The following PLXNA4 variants were observed in gnomAD, a reference collection of about 807,000 sequenced individuals.
PLXNA4 encodes the protein plexin-A4.
PLXNA4 carries 44 observed loss-of-function variants against 191.8 expected under a neutral mutation model. The ratio of observed to expected loss-of-function variants is 0.23; its 90% confidence interval spans 0.18 to 0.29. The LOEUF (loss-of-function observed/expected upper bound fraction) is 0.29, where lower values mean the gene tolerates loss of function less well. Among genes scored for constraint, PLXNA4 ranks in the 10% least tolerant of loss-of-function variants. The pLI is 1.00. For missense variants in PLXNA4, 1,800 were observed against 2,488.8 expected, an observed-to-expected ratio of 0.72 and a Z score of 5.89; for synonymous variants, 1,082 against 1,009.5, an observed-to-expected ratio of 1.07 and a Z score of -1.36.
chr7:132,188,360 C>T (rs1024930994), intron 14 of PLXNA4, among the ~76,000 whole-genome samples: 2 of 152,212 alleles, frequency 1.3e-5, no homozygotes, highest in African/African-American at 4.8e-5. Context: ...AAAAACTTTC[C>T]TCAGTCCCAG....
At chr7:132,311,227 T>C (rs1388403137) in intron 3 of PLXNA4, among the ~76,000 whole-genome samples, 1 of 141,074 alleles carries the variant, frequency 7.1e-6, no homozygotes, top group African/African-American at 2.7e-5. Context: ...CAGAAGGAAG[T>C]GAGGGATGCA....
chr7:132,575,226 C>G (rs1802169227), intron 1 of PLXNA4, among the ~76,000 whole-genome samples: 1 of 152,184 alleles, frequency 6.6e-6, no homozygotes, highest in African/African-American at 2.4e-5. Flanking sequence ...CACTTCCTAC[C>G]TCCTCCAGAA....
intron 4 of PLXNA4, among the ~76,000 whole-genome samples, chr7:132,273,239 G>C (rs917248474): frequency 6.6e-6 from 1 of 151,952 alleles, no homozygotes; most frequent in Non-Finnish European, 1.5e-5. Flanking sequence ...ACCTAATGTT[G>C]GGGGAAAATA....
intron 2 of PLXNA4, among the ~76,000 whole-genome samples, chr7:132,641,640 T>G (rs921674304): frequency 6.6e-6 from 1 of 152,210 alleles, no homozygotes; most frequent in Non-Finnish European, 1.5e-5. Flanking sequence ...ATCTTTCGAA[T>G]AATAAAAAAT....
chr7:132,307,809 C>T (rs1801586363), intron 3 of PLXNA4, among the ~76,000 whole-genome samples: 1 of 151,852 alleles, frequency 6.6e-6, no homozygotes. Flanking sequence ...GTTTTGATTT[C>T]CTGATTCCAG....
Position 132,373,971 on chromosome 7 carries a change from G to T in PLXNA4, c.1372-75749C>A, listed in dbSNP as rs1018881399. On this transcript the variant is annotated intron_variant, in intron 3 of 31. Coordinates refer to ENST00000321063, the MANE Select transcript of PLXNA4 (RefSeq NM_020911.2). ...AGGATTCCAACCTGAGGCTCAGGTG[G>T]CCGGGGGCTCCCCACACTCCAGTCC... 3.9e-5 allele frequency among the ~76,000 whole-genome samples: 6 copies of T among 152,126 alleles called. No individual in the cohort carries two copies. In the East Asian group the frequency reaches 5.8e-4, roughly 15 times the overall value.
chr7:132,550,947 C>T (rs1217989385), intron 1 of PLXNA4, among the ~76,000 whole-genome samples: 1 of 152,222 alleles, frequency 6.6e-6, no homozygotes, highest in East Asian at 1.9e-4. Flanking sequence ...CTTCCTTCTC[C>T]TGCATTCTCT....
chr7:132,296,551 G>A (rs923885979), intron 4 of PLXNA4, among the ~76,000 whole-genome samples: 1 of 151,856 alleles, frequency 6.6e-6, no homozygotes, highest in African/African-American at 2.4e-5. Context: ...GGGATTATAG[G>A]TGCAAGACCC....
chr7:132,429,835 C>G (rs937652350), intron 3 of PLXNA4, among the ~76,000 whole-genome samples: 1 of 152,098 alleles, frequency 6.6e-6, no homozygotes, highest in Admixed American at 6.5e-5. Context: ...GTCACATTGC[C>G]GTGGTAGGCC....
chr7:132,342,946 C>CAAAAAAAA (rs370055779), intron 3 of PLXNA4, among the ~76,000 whole-genome samples: 1 of 102,428 alleles, frequency 9.8e-6, no homozygotes. Context: ...GACTCTGCCT[C>CAAAAAAAA]AAAAAAAAAA....
At chr7:132,551,393 T>C (rs1388100567) in intron 1 of PLXNA4, among the ~76,000 whole-genome samples, 1 of 152,140 alleles carries the variant, frequency 6.6e-6, no homozygotes, top group Non-Finnish European at 1.5e-5. Context: ...GGTGGTTTGT[T>C]ACAGAATTAA....
At chr7:132,270,227 T>C (rs998612980) in intron 4 of PLXNA4, among the ~76,000 whole-genome samples, 5 of 152,188 alleles carry the variant, frequency 3.3e-5, no homozygotes, top group African/African-American at 1.2e-4. Context: ...CTTTTAGCAA[T>C]AATTGCCGTG....
intron 3 of PLXNA4, among the ~76,000 whole-genome samples, chr7:132,464,159 C>T (rs1165308633): frequency 1.3e-5 from 2 of 152,182 alleles, no homozygotes; most frequent in African/African-American, 2.4e-5. Flanking sequence ...TAGCAATACA[C>T]GTGGTGCTGA....
At chr7:132,520,958 C>G (rs1799152650) in intron 1 of PLXNA4, among the ~76,000 whole-genome samples, 2 of 152,230 alleles carry the variant, frequency 1.3e-5, no homozygotes, top group African/African-American at 4.8e-5. Flanking sequence ...CTCCAGGCCC[C>G]TTTTGTCCCT....
At chr7:132,452,211 A>C (rs1025620674) in intron 3 of PLXNA4, among the ~76,000 whole-genome samples, 1 of 152,204 alleles carries the variant, frequency 6.6e-6, no homozygotes, top group Non-Finnish European at 1.5e-5. Context: ...ATCTGTCATC[A>C]TCTCCCCCAG....
At chr7:132,257,339 C>G (rs1799468479) in intron 4 of PLXNA4, among the ~76,000 whole-genome samples, 1 of 152,188 alleles carries the variant, frequency 6.6e-6, no homozygotes, top group African/African-American at 2.4e-5. Context: ...CAACATGTTT[C>G]CCTCACAAGG....
intron 17 of PLXNA4, 23 bp downstream of exon 17, chr7:132,182,074 A>G (rs3734984): frequency 0.11 from 178,995 of 1,613,834 alleles, 14,347 homozygotes; most frequent in East Asian, 0.37. Flanking sequence ...AGCCTCCATG[A>G]ACCCCATCAG....
intron 2 of PLXNA4, among the ~76,000 whole-genome samples, chr7:132,633,488 G>A (rs1226817047): frequency 6.6e-6 from 1 of 152,058 alleles, no homozygotes; most frequent in East Asian, 1.9e-4. Flanking sequence ...TCACCATATT[G>A]GCAAGGATGG....
intron 2 of PLXNA4, among the ~76,000 whole-genome samples, chr7:132,598,202 G>A (rs987428419): frequency 3.3e-5 from 5 of 152,178 alleles, no homozygotes; most frequent in Non-Finnish European, 5.9e-5. Context: ...TCGGCTTCCC[G>A]GATTCAAGAG....
Sources: allele counts gnomAD v4.1 joint callset (sites outside exome capture counted in the v4.1 genomes callset), GRCh38; gene constraint gnomAD v4.1.1; transcripts MANE v1.5; gene names NCBI Gene and HGNC (gene_info 2026-07-23, HGNC 2026-07-21).